The following PDGFRB variants were observed in gnomAD, a reference collection of about 807,000 sequenced individuals.
PDGFRB encodes the protein platelet-derived growth factor receptor beta.
In PDGFRB, 42 loss-of-function variants were observed where a neutral mutation model predicts 120.2. That is an observed-to-expected ratio of 0.35 (90% CI 0.27 to 0.45). The LOEUF (loss-of-function observed/expected upper bound fraction) is 0.45. Ranked by LOEUF, PDGFRB falls within the 20% of genes least tolerant of loss-of-function variation. The pLI is 1.00. For synonymous variants in PDGFRB, 586 were observed against 606.8 expected (o/e 0.97, Z 0.50); for missense variants, 1,149 against 1,476.3 (o/e 0.78, Z 3.63).
chr5:150,133,287 G>A (rs756182694), intron 6 of PDGFRB, among the ~76,000 whole-genome samples: 1 of 152,178 alleles, frequency 6.6e-6, no homozygotes. Flanking sequence ...GTCAGGTTGG[G>A]GCTGGGGCTC....
intron 15 of PDGFRB, chr5:150,122,306 G>A (rs889483325): frequency 4.5e-5 from 20 of 442,596 alleles, no homozygotes; most frequent in Middle Eastern, 6.3e-4. Flanking sequence ...GTCACAAGAC[G>A]GGTGTGTTCA....
chr5:150,117,545 CA>C lies in PDGFRB; in HGVS notation c.3137+72del, dbSNP rs1176671007. On this transcript the variant is annotated intron_variant, in intron 22 of 22. Coordinates refer to ENST00000261799, the MANE Select transcript of PDGFRB (RefSeq NM_002609.4). The stretch of plus-strand genomic sequence containing the variant: ...ACCTGGCAGCGCGCGCGCGCGCGCG[CA>C]CACACACACACACACACACACACAC... 3.2e-5 allele frequency: 11 copies of C among 341,938 alleles called. No homozygotes were observed. The African/African-American group carries it at 1.2e-3, about 38-fold the overall frequency. 21.2% of individuals were successfully genotyped at this position (341,938 alleles called of 1,614,324 possible).
Position 150,124,824 on chromosome 5 carries a change from G to C in PDGFRB, c.1815C>G (p.Thr605=). Reference sequence around the variant, plus strand: ...CCTGCCCAAAGGCCCCAGAGCCGAGGGTGCGTCCTGGTGCAGAGATGATCC... The same window carrying C: ...CCTGCCCAAAGGCCCCAGAGCCGAGCGTGCGTCCTGGTGCAGAGATGATCC... ...LPRDQLVLGR[T]LGSGAFGQVV... is the part of the protein sequence containing the mutation. The change falls in exon 13 of 23, where the codon ACC becomes ACG. Residue 605 remains threonine, a synonymous_variant. Transcript: ENST00000261799. 1 of 1,571,548 alleles carries C rather than the reference G, an allele frequency of 6.4e-7. No homozygotes were observed. Among genetic ancestry groups the C allele is most frequent in the African/African-American group, 1.3e-5 (1 of 74,244 alleles).
intron 10 of PDGFRB, among the ~76,000 whole-genome samples, chr5:150,127,139 C>T (rs1369667323): frequency 2.0e-5 from 3 of 152,220 alleles, no homozygotes; most frequent in African/African-American, 7.2e-5. Context: ...GACCTCAGCA[C>T]GGAGGCCACT....
Position 150,132,111 on chromosome 5 carries a change from G to C in PDGFRB, c.1128-17C>G. On this transcript the variant is annotated splice_polypyrimidine_tract_variant and intron_variant, in intron 7 of 22. Coordinates refer to ENST00000261799, the MANE Select transcript of PDGFRB (RefSeq NM_002609.4). This position sits in a 1 kb window ranked among gnomAD's most constrained non-coding sequence, Gnocchi z 5.0. ...GACACATACCTGGGGAGCAGGAAAGGCAGCTGTCAGAGTCGGAAGGACTCT... is the reference window on the plus strand; with the variant it reads ...GACACATACCTGGGGAGCAGGAAAGCCAGCTGTCAGAGTCGGAAGGACTCT... The C allele has an allele frequency of 7.3e-7, 1 of 1,377,210 alleles. No homozygotes were observed. The highest frequency in any genetic ancestry group is 1.0e-6 in the Non-Finnish European group (1 of 964,602). 85.3% of individuals were successfully genotyped at this position (1,377,210 alleles called of 1,614,324 possible). A position where few individuals can be genotyped will look rare whatever the true frequency, so the allele number is the denominator to read the frequency against.
chr5:150,132,066 C>G lies in PDGFRB; in HGVS notation c.1156G>C (p.Val386Leu), dbSNP rs541469612. ...TAGTGGCCAGCCTCTGCCACCTTCA[C>G]GCGAACCAGTGTCAGCTCTGACACA... ...RYVSELTLVR[V>L]KVAEAGHYTM... Residue 386 changes from valine (V) to leucine (L), a missense_variant, in exon 8 of 23, where the codon GTG (valine) becomes CTG (leucine). Physicochemically the swap from Val to Leu is conservative, Grantham distance 32 (BLOSUM62 1). This residue lies in a region of PDGFRB where 879 missense variants were observed against 1,108.6 expected (regional missense o/e 0.79). Transcript: ENST00000261799. The surrounding 1 kb of genome is among the most constrained non-coding windows in gnomAD (Gnocchi z 5.0). 5 of 1,609,564 alleles carry G rather than the reference C, an allele frequency of 3.1e-6. No homozygotes were observed. The highest frequency in any genetic ancestry group is 1.7e-5 in the Admixed American group (1 of 59,972).
At chr5:150,139,251 C>T (rs1358778661) in intron 1 of PDGFRB, among the ~76,000 whole-genome samples, 4 of 152,078 alleles carry the variant, frequency 2.6e-5, no homozygotes, top group Admixed American at 1.3e-4. Flanking sequence ...GTGTGGATGC[C>T]GTAGGGAGGT....
intron 1 of PDGFRB, chr5:150,137,371 G>A: frequency 3.6e-6 from 1 of 280,616 alleles, no homozygotes. Context: ...GGGAGGGGAA[G>A]TTGGGCTGGA....
intron 1 of PDGFRB, chr5:150,153,491 C>G (rs1196423342): frequency 6.6e-6 from 1 of 152,210 alleles, no homozygotes; most frequent in Non-Finnish European, 1.5e-5. Context: ...CTTAACTCAC[C>G]GTATGGCCCT....
At chr5:150,141,613 G>A (rs1252710773) in intron 1 of PDGFRB, among the ~76,000 whole-genome samples, 1 of 152,206 alleles carries the variant, frequency 6.6e-6, no homozygotes, top group Non-Finnish European at 1.5e-5. Context: ...TGGGGAGAAG[G>A]CAGTGGGGAC....
rs1171017439 is a variant in PDGFRB, at chr5:150,132,305, G to C, written c.1128-211C>G. Among the ~76,000 whole-genome samples, 1 of 152,214 alleles carries C rather than the reference G, an allele frequency of 6.6e-6. No homozygotes were observed. The highest frequency in any genetic ancestry group is 1.5e-5 in the Non-Finnish European group (1 of 68,042). On this transcript the variant is annotated intron_variant, in intron 7 of 22. Coordinates refer to ENST00000261799, the MANE Select transcript of PDGFRB (RefSeq NM_002609.4). This position sits in a 1 kb window ranked among gnomAD's most constrained non-coding sequence, Gnocchi z 5.0. The stretch of plus-strand genomic sequence containing the variant: ...CCAAGAGGGAGGGTTGAGATGAACT[G>C]TGGGTGGGGGTGGGGAGCATTGAAG...
intron 1 of PDGFRB, among the ~76,000 whole-genome samples, chr5:150,149,471 AG>A (rs1459856386): frequency 1.3e-5 from 2 of 152,334 alleles, no homozygotes; most frequent in East Asian, 1.9e-4. Flanking sequence ...CCTGGACTAA[AG>A]GGGAGGCCAT....
intron 10 of PDGFRB, among the ~76,000 whole-genome samples, chr5:150,128,631 C>T (rs1760362744): frequency 6.6e-6 from 1 of 152,234 alleles, no homozygotes; most frequent in Non-Finnish European, 1.5e-5. Context: ...TTACACAGGC[C>T]ATTCCCTCTG....
intron 4 of PDGFRB, among the ~76,000 whole-genome samples, chr5:150,134,381 G>A (rs1305145306): frequency 6.6e-6 from 1 of 152,180 alleles, no homozygotes; most frequent in Non-Finnish European, 1.5e-5. Context: ...GGCAGCCATT[G>A]TTATCCCCAC....
At chr5:150,127,853 A>AAC (rs1223098607) in intron 10 of PDGFRB, among the ~76,000 whole-genome samples, 7 of 151,030 alleles carry the variant, frequency 4.6e-5, no homozygotes, top group Non-Finnish European at 1.0e-4. Context: ...AAAAAAAAAA[A>AAC]AAAAAACTTT....
intron 10 of PDGFRB, among the ~76,000 whole-genome samples, chr5:150,129,348 C>A (rs1347574248): frequency 6.6e-6 from 1 of 152,024 alleles, no homozygotes; most frequent in Non-Finnish European, 1.5e-5. Flanking sequence ...AGGCATAGTG[C>A]ACAGGTGTAT....
intron 1 of PDGFRB, among the ~76,000 whole-genome samples, chr5:150,142,787 T>C (rs112425738): frequency 0.018 from 2,674 of 152,110 alleles, 73 homozygotes; most frequent in African/African-American, 0.06. Flanking sequence ...TGAACAACAA[T>C]AATAATAAAA....
chr5:150,124,129 G>A (rs987507648), intron 14 of PDGFRB, 121 bp downstream of exon 14: 23 of 604,268 alleles, frequency 3.8e-5, no homozygotes, highest in African/African-American at 3.5e-4. Flanking sequence ...CGCTGGAGCG[G>A]GTGGGCACGG....
At chr5:150,124,680 AG>A in intron 13 of PDGFRB, 46 bp downstream of exon 13, 1 of 888,430 alleles carries the variant, frequency 1.1e-6, no homozygotes, top group South Asian at 1.5e-5. Flanking sequence ...GGGGAGGGGC[AG>A]GGAGAGGTGA....
Sources: gnomAD v4.1 joint callset for allele counts (sites outside exome capture counted in the v4.1 genomes callset) on GRCh38, gnomAD v4.1.1 for gene constraint, gnomAD v4.1.1 regional missense constraint, Gnocchi (gnomAD v3.1) non-coding constraint, MANE v1.5 for transcripts, NCBI Gene and HGNC (gene_info 2026-07-23, HGNC 2026-07-21) for gene names.